Variants in SMYD2 observed in about 807,000 individuals in gnomAD.
SMYD2 encodes SET and MYND domain containing 2.
In SMYD2, 53 loss-of-function variants were observed where a neutral mutation model predicts 59.1. The observed-to-expected ratio is 0.90, with a 90% confidence interval of 0.72 to 1.13. The LOEUF is 1.13. Among genes scored for constraint, SMYD2 ranks in the 50% most tolerant of loss-of-function variants. The pLI, the probability that SMYD2 is intolerant of heterozygous loss-of-function variation, is 0.00. For missense variants in SMYD2, 494 were observed against 544.7 expected, an observed-to-expected ratio of 0.91 and a Z score of 0.93; for synonymous variants, 208 against 198.8, an observed-to-expected ratio of 1.05 and a Z score of -0.39.
intron 3 of SMYD2, 28 bp downstream of exon 3, chr1:214,314,900 C>T (rs937321614): frequency 6.5e-7 from 1 of 1,540,192 alleles, no homozygotes; most frequent in Non-Finnish European, 9.0e-7. Flanking sequence ...TGTTCAAGTG[C>T]ATTTTATTTT....
intron 2 of SMYD2, among the ~76,000 whole-genome samples, chr1:214,307,991 A>C (rs76643640): frequency 0.1 from 15,731 of 152,278 alleles, 1,070 homozygotes; most frequent in African/African-American, 0.19. Flanking sequence ...TGGAGGAAAC[A>C]GTTACGGGAT....
At chr1:214,292,298 A>T (rs1337088086) in intron 1 of SMYD2, among the ~76,000 whole-genome samples, 1 of 152,146 alleles carries the variant, frequency 6.6e-6, no homozygotes, top group Non-Finnish European at 1.5e-5. Context: ...TGTTTATAGT[A>T]ATGAATGCAC....
chr1:214,296,895 T>G (rs1304617722), intron 1 of SMYD2, among the ~76,000 whole-genome samples: 1 of 152,234 alleles, frequency 6.6e-6, no homozygotes, highest in African/African-American at 2.4e-5. Flanking sequence ...TTGCACCTGC[T>G]TCTAGGATAC....
intron 1 of SMYD2, among the ~76,000 whole-genome samples, chr1:214,300,045 T>C (rs1369174393): frequency 1.3e-5 from 2 of 152,372 alleles, no homozygotes; most frequent in East Asian, 3.9e-4. Flanking sequence ...CTATGCTCAC[T>C]ACCTGGGTGA....
At chr1:214,336,177 A>T (rs115603730) in intron 11 of SMYD2, among the ~76,000 whole-genome samples, 3 of 152,144 alleles carry the variant, frequency 2.0e-5, no homozygotes, top group African/African-American at 7.2e-5. Context: ...ATTTTTGCAG[A>T]ATGTTTTACC....
At chr1:214,326,334 G>A (rs549527612) in intron 6 of SMYD2, among the ~76,000 whole-genome samples, 1 of 152,074 alleles carries the variant, frequency 6.6e-6, no homozygotes, top group Non-Finnish European at 1.5e-5. Flanking sequence ...AATTGTTTTA[G>A]GGTCTTTGAC....
chr1:214,335,963 G>A (rs553069717), intron 11 of SMYD2, among the ~76,000 whole-genome samples: 5 of 152,122 alleles, frequency 3.3e-5, no homozygotes, highest in African/African-American at 4.8e-5. Flanking sequence ...GTTTAGCTAC[G>A]TCTTGCAGGT....
In SMYD2 at chr1:214,324,663, T is replaced by C. The variant is rs1657233801; in HGVS notation, c.557T>C (p.Ile186Thr). The part of the protein sequence containing the change: ...FAQVNCNGFT[I>T]EDEELSHLGS... Reference sequence around the variant, plus strand: ...CAGGTTAACTGTAATGGCTTCACAATTGAAGATGAAGAACTTTCTCATTTG... The same window carrying C: ...CAGGTTAACTGTAATGGCTTCACAACTGAAGATGAAGAACTTTCTCATTTG... Residue 186 changes from isoleucine to threonine, a missense_variant, in exon 6 of 12, where the codon ATT becomes ACT. Physicochemically the swap from Ile to Thr is moderately conservative, Grantham distance 89. Coordinates refer to ENST00000366957, the MANE Select transcript of SMYD2 (RefSeq NM_020197.3). The C allele has an allele frequency of 1.9e-6, 3 of 1,613,448 alleles. No homozygotes were observed. Among genetic ancestry groups the C allele is most frequent in the Non-Finnish European group, 8.5e-7 (1 of 1,179,768 alleles).
chr1:214,327,963 A>T (rs1657290118), intron 7 of SMYD2, among the ~76,000 whole-genome samples: 1 of 152,178 alleles, frequency 6.6e-6, no homozygotes, highest in African/African-American at 2.4e-5. Context: ...GGTCAAGAAA[A>T]ACAGGAAGTA....
chr1:214,324,648 G>A lies in SMYD2; in HGVS notation c.542G>A (p.Cys181Tyr), dbSNP rs1657233578. ...SLVVLFAQVN[C>Y]NGFTIEDEEL... ...CCCTTTTTCTTGCTGCAGGTTAACT[G>A]TAATGGCTTCACAATTGAAGATGAA... The change falls in exon 6 of 12, where the codon TGT becomes TAT. Residue 181 changes from cysteine to tyrosine, a missense_variant. Physicochemically the swap from Cys to Tyr is radical, Grantham distance 194. Coordinates refer to ENST00000366957, the MANE Select transcript of SMYD2 (RefSeq NM_020197.3). The A allele has an allele frequency of 6.2e-7, 1 of 1,612,342 alleles. No individual in the cohort carries two copies. The highest frequency in any genetic ancestry group is 8.5e-7 in the Non-Finnish European group (1 of 1,179,300).
At chr1:214,335,253 G>A (rs1657417636) in intron 11 of SMYD2, among the ~76,000 whole-genome samples, 1 of 152,232 alleles carries the variant, frequency 6.6e-6, no homozygotes, top group South Asian at 2.1e-4. Context: ...AAGGGTCAGG[G>A]CACAGCCAGG....
intron 3 of SMYD2, among the ~76,000 whole-genome samples, chr1:214,316,085 C>G (rs1313090925): frequency 6.6e-6 from 1 of 152,152 alleles, no homozygotes; most frequent in Non-Finnish European, 1.5e-5. Context: ...CAGTGTGGGG[C>G]TTAGAAGGCA....
intron 2 of SMYD2, among the ~76,000 whole-genome samples, chr1:214,310,407 AAGAAC>A (rs1422706622): frequency 2.6e-5 from 4 of 152,230 alleles, no homozygotes; most frequent in Admixed American, 6.5e-5. Flanking sequence ...TGCAGACTAA[AAGAAC>A]AGAACAAGTA....
intron 2 of SMYD2, among the ~76,000 whole-genome samples, chr1:214,310,503 A>ATTTTTT (rs10699247): frequency 2.2e-5 from 3 of 136,422 alleles, no homozygotes; most frequent in Admixed American, 7.5e-5. Context: ...TATTTTATTA[A>ATTTTTT]TTTTTTTTTT....
intron 6 of SMYD2, 21 bp from the exon 7 acceptor site, chr1:214,327,601 G>A: frequency 6.2e-7 from 1 of 1,609,306 alleles, no homozygotes. Context: ...TAAAAACTGG[G>A]TTTTCTCTTC....
chr1:214,336,647 T>C, intron 11 of SMYD2, 57 bp from the exon 12 acceptor site: 2 of 1,518,804 alleles, frequency 1.3e-6, no homozygotes, highest in South Asian at 2.3e-5. Flanking sequence ...TTACCCTGGG[T>C]GGAGGTGTGA....
chr1:214,329,893 A>C (rs1399214064), intron 7 of SMYD2, among the ~76,000 whole-genome samples: 1 of 152,202 alleles, frequency 6.6e-6, no homozygotes, highest in African/African-American at 2.4e-5. Context: ...ACACTGTTTT[A>C]AGGACTCCTT....
chr1:214,332,063 T>C lies in SMYD2; in HGVS notation c.983T>C (p.Met328Thr), dbSNP rs760834330. The C allele has an allele frequency of 6.2e-7, 1 of 1,611,802 alleles. No individual in the cohort carries two copies. Among genetic ancestry groups the C allele is most frequent in the Non-Finnish European group, 8.5e-7 (1 of 1,178,258 alleles). Residue 328 changes from methionine to threonine, a missense_variant, in exon 10 of 12, where the codon ATG becomes ACG. Transcript: ENST00000366957. ...ATCTGCGAGCTCAGCCAGGAGAAGATGAGCTCTGTGTTTGAGGACAGTAAC... is the reference window on the plus strand; with the variant it reads ...ATCTGCGAGCTCAGCCAGGAGAAGACGAGCTCTGTGTTTGAGGACAGTAAC... ...LEICELSQEK[M>T]SSVFEDSNVY...
rs115982212 is a variant in SMYD2, at chr1:214,303,812, C to T, written c.174-1375C>T. Among the ~76,000 whole-genome samples, 1,239 of 152,356 alleles carry T rather than the reference C, an allele frequency of 8.1e-3. 23 individuals are homozygous for T. The highest frequency in any genetic ancestry group is 0.028 in the African/African-American group (1,172 of 41,590). On this transcript the variant is annotated intron_variant, in intron 1 of 11. Coordinates refer to ENST00000366957, the MANE Select transcript of SMYD2 (RefSeq NM_020197.3). ...CCGCGCACGCCCCCGCCCCCGTCAG[C>T]TCTGCTGGGCTGCAGAGGAGGGGGG...
Sources: gnomAD v4.1 joint callset for allele counts (sites outside exome capture counted in the v4.1 genomes callset) on GRCh38, gnomAD v4.1.1 for gene constraint, MANE v1.5 for transcripts, NCBI Gene and HGNC (gene_info 2026-07-23, HGNC 2026-07-21) for gene names.